Variants in SPECC1 observed in about 807,000 individuals in gnomAD.
SPECC1 encodes cytospin-B.
In SPECC1, 62 loss-of-function variants were observed where a neutral mutation model predicts 104.1. The ratio of observed to expected loss-of-function variants is 0.60; its 90% CI spans 0.49 to 0.74. The LOEUF is 0.74. SPECC1 is among the 30% of genes least tolerant of loss of function. The pLI is 0.00. For synonymous variants in SPECC1, 513 were observed against 501.6 expected (o/e 1.02, Z -0.30); for missense variants, 1,306 against 1,310.5 (o/e 1.00, Z 0.05).
chr17:20,275,454 T>G (rs550340308), intron 12 of SPECC1, among the ~76,000 whole-genome samples: 1 of 152,326 alleles, frequency 6.6e-6, no homozygotes, highest in African/African-American at 2.4e-5. Context: ...TACCACCTTC[T>G]GTAGTAGGAT....
intron 1 of SPECC1, among the ~76,000 whole-genome samples, chr17:20,075,862 G>A (rs1304507443): frequency 1.3e-5 from 2 of 152,146 alleles, no homozygotes; most frequent in East Asian, 1.9e-4. Flanking sequence ...TAAGAAGATC[G>A]CTTGAAATCA....
At chr17:20,032,875 C>T (rs2044875602) in intron 1 of SPECC1, among the ~76,000 whole-genome samples, 1 of 151,566 alleles carries the variant, frequency 6.6e-6, no homozygotes, top group East Asian at 1.9e-4. Flanking sequence ...TTTCATGCTT[C>T]ATATATATAT....
In SPECC1 at chr17:20,318,811, G is replaced by A. The variant is rs2042070365; in HGVS notation, c.*4746G>A. On this transcript the variant is annotated 3_prime_UTR_variant, in exon 15 of 15. Coordinates refer to ENST00000395527, the MANE Select transcript of SPECC1 (RefSeq NM_001243439.2). ...AATTTTGCTAAATCTGTAGCATCCT[G>A]AATAGCACACTAATTTTTTTTTTTA... 1 of 211,402 alleles carries A rather than the reference G, an allele frequency of 4.7e-6. No homozygotes were observed. Among genetic ancestry groups the A allele is most frequent in the Non-Finnish European group, 9.6e-6 (1 of 104,488 alleles). The allele number at this position is 211,402 out of a possible 1,614,324, so 13.1% of individuals were successfully genotyped here. A position where few individuals can be genotyped will look rare whatever the true frequency, so the allele number is the denominator to read the frequency against.
At chr17:20,169,675 A>G (rs2033935761) in intron 3 of SPECC1, among the ~76,000 whole-genome samples, 1 of 151,864 alleles carries the variant, frequency 6.6e-6, no homozygotes, top group Non-Finnish European at 1.5e-5. Context: ...GGTTTTAGAC[A>G]TTTTTTCCCA....
At chr17:20,284,433 G>A (rs1380241110) in intron 12 of SPECC1, among the ~76,000 whole-genome samples, 1 of 152,248 alleles carries the variant, frequency 6.6e-6, no homozygotes, top group Non-Finnish European at 1.5e-5. Context: ...TGTGCAGGAC[G>A]AGGCCACTCG....
At chr17:20,077,863 G>C (rs1037211842) in intron 1 of SPECC1, among the ~76,000 whole-genome samples, 3 of 152,076 alleles carry the variant, frequency 2.0e-5, no homozygotes, top group African/African-American at 7.2e-5. Flanking sequence ...GAGGCAGATT[G>C]CTCAGCCTTA....
chr17:20,255,028 G>T (rs1297206269), intron 10 of SPECC1, among the ~76,000 whole-genome samples: 1 of 152,214 alleles, frequency 6.6e-6, no homozygotes, highest in East Asian at 1.9e-4. Context: ...AAAGGCTACA[G>T]CGATTTTGGA....
At position 20,023,375 on chromosome 17, in the gene SPECC1, A is replaced by G. The variant is rs537547829; in HGVS notation, c.-22+13951A>G. On this transcript the variant is annotated intron_variant, in intron 1 of 14. Transcript: ENST00000395527. ...GCTAATGAATACATGGTAAGTACCTACTAGGTACTAGGTGCTGAGATTATA... is the reference window on the plus strand; with the variant it reads ...GCTAATGAATACATGGTAAGTACCTGCTAGGTACTAGGTGCTGAGATTATA... Among the ~76,000 whole-genome samples the G allele has an allele frequency of 1.2e-4, 19 of 152,276 alleles. No individual in the cohort carries two copies. In the South Asian group the frequency reaches 3.5e-3, roughly 28 times the overall value.
At chr17:20,120,509 A>G (rs973110167) in intron 3 of SPECC1, among the ~76,000 whole-genome samples, 8 of 152,256 alleles carry the variant, frequency 5.3e-5, no homozygotes, top group African/African-American at 1.4e-4. Context: ...AATTAAAGGA[A>G]ATTGGGGGAC....
At chr17:20,307,392 G>A (rs951472283) in intron 14 of SPECC1, among the ~76,000 whole-genome samples, 2 of 152,164 alleles carry the variant, frequency 1.3e-5, no homozygotes, top group African/African-American at 4.8e-5. Context: ...CTTTGTGGTT[G>A]AAGGTGGCTG....
chr17:20,126,856 T>C (rs1346109143), intron 3 of SPECC1, among the ~76,000 whole-genome samples: 1 of 152,240 alleles, frequency 6.6e-6, no homozygotes, highest in Non-Finnish European at 1.5e-5. Flanking sequence ...TTTGAGTTAT[T>C]AGGATTTGGT....
intron 10 of SPECC1, among the ~76,000 whole-genome samples, chr17:20,254,102 C>T (rs2039731803): frequency 6.6e-6 from 1 of 150,458 alleles, no homozygotes; most frequent in Non-Finnish European, 1.5e-5. Flanking sequence ...AGGTATTTGT[C>T]TTTTGGTGCA....
chr17:20,214,598 C>T (rs552448360), intron 4 of SPECC1, among the ~76,000 whole-genome samples: 21 of 152,292 alleles, frequency 1.4e-4, no homozygotes, highest in African/African-American at 5.1e-4. Context: ...GCCTCCACCT[C>T]CTGGGTTCAA....
intron 1 of SPECC1, among the ~76,000 whole-genome samples, chr17:20,030,175 T>A (rs1218553347): frequency 6.6e-6 from 1 of 152,048 alleles, no homozygotes; most frequent in Non-Finnish European, 1.5e-5. Context: ...AATACAAACA[T>A]TTTAATTATT....
intron 8 of SPECC1, among the ~76,000 whole-genome samples, chr17:20,246,789 T>C (rs867836210): frequency 3.9e-5 from 6 of 152,264 alleles, no homozygotes; most frequent in Non-Finnish European, 8.8e-5. Flanking sequence ...ATTGGGAGAC[T>C]GTAGTAAAAG....
chr17:20,037,848 A>C, intron 1 of SPECC1, among the ~76,000 whole-genome samples: 1 of 152,176 alleles, frequency 6.6e-6, no homozygotes. Context: ...TTATTTGTTA[A>C]GGAAGGGTAT....
rs745893309 is a variant in SPECC1 at position 20,104,740 on chromosome 17, CAAAAAAAAAAAAAAAA to C, written c.148-5676_148-5661del. ...CTTGGGTGAAAGAGTGAGACTGTCT[CAAAAAAAAAAAAAAAA>C]AAAAAAAAAAGAAAAAAAAATTCTC... is the stretch of plus-strand genomic sequence containing the variant. On this transcript the variant is annotated intron_variant, in intron 2 of 14. Coordinates refer to ENST00000395527, the MANE Select transcript of SPECC1 (RefSeq NM_001243439.2). 1.2e-4 allele frequency among the ~76,000 whole-genome samples: 7 copies of C among 57,244 alleles called. No individual in the cohort carries two copies. The East Asian group carries it at 4.9e-3, about 40-fold the overall frequency. The allele number at this position is 57,244 out of a possible 152,430, so 37.6% of individuals were successfully genotyped here.
intron 7 of SPECC1, among the ~76,000 whole-genome samples, chr17:20,233,460 C>T (rs1177026553): frequency 6.6e-6 from 1 of 152,130 alleles, no homozygotes; most frequent in South Asian, 2.1e-4. Context: ...ATAAAATGGC[C>T]TTTGGGGAAG....
chr17:20,168,983 C>G (rs947383578), intron 3 of SPECC1, among the ~76,000 whole-genome samples: 1 of 152,170 alleles, frequency 6.6e-6, no homozygotes, highest in Non-Finnish European at 1.5e-5. Context: ...GGCAATCCTT[C>G]CACCTCAGCT....
Sources: allele counts gnomAD v4.1 joint callset (sites outside exome capture counted in the v4.1 genomes callset), GRCh38; gene constraint gnomAD v4.1.1; transcripts MANE v1.5; gene names NCBI Gene and HGNC (gene_info 2026-07-23, HGNC 2026-07-21).